The following RBFOX1 variants were observed in gnomAD, a reference collection of about 807,000 sequenced individuals.
RBFOX1 encodes RNA binding fox-1 homolog 1, also known as RNA binding protein fox-1 homolog 1.
In RBFOX1, 8 loss-of-function variants were observed where a neutral mutation model predicts 57.7. The observed-to-expected ratio is 0.14, with a 90% CI of 0.08 to 0.25. RBFOX1 has a LOEUF of 0.25. RBFOX1 is among the 10% of genes least tolerant of loss of function. RBFOX1 has a pLI of 1.00. For synonymous variants in RBFOX1, 326 were observed against 222.4 expected, an observed-to-expected ratio of 1.47 and a Z score of -4.15; for missense variants, 611 against 548.5, an observed-to-expected ratio of 1.11 and a Z score of -1.14.
At chr16:5,259,820 T>C (rs2062688162) in intron 1 of RBFOX1, among the ~76,000 whole-genome samples, 1 of 152,186 alleles carries the variant, frequency 6.6e-6, no homozygotes, top group Non-Finnish European at 1.5e-5. Context: ...CCTCAGTTGA[T>C]TGAACTCAAG....
At chr16:7,354,112 C>G (rs1162496856) in intron 4 of RBFOX1, among the ~76,000 whole-genome samples, 2 of 152,024 alleles carry the variant, frequency 1.3e-5, no homozygotes, top group Non-Finnish European at 2.9e-5. Flanking sequence ...TCTGGGATTA[C>G]AGGATCTGCC....
intron 3 of RBFOX1, among the ~76,000 whole-genome samples, chr16:6,690,673 A>C (rs1404224231): frequency 6.6e-6 from 1 of 151,946 alleles, no homozygotes; most frequent in Non-Finnish European, 1.5e-5. Context: ...AGTCGATTAT[A>C]GTACAGTAGG....
chr16:6,778,846 C>T (rs113671737), intron 3 of RBFOX1, among the ~76,000 whole-genome samples: 4 of 151,248 alleles, frequency 2.6e-5, no homozygotes, highest in Admixed American at 1.3e-4. Flanking sequence ...ATTGAATACA[C>T]ATACACCACA....
chr16:6,611,377 C>G (rs1192601770), intron 2 of RBFOX1, among the ~76,000 whole-genome samples: 1 of 152,130 alleles, frequency 6.6e-6, no homozygotes, highest in African/African-American at 2.4e-5. Flanking sequence ...AAACTCCTGA[C>G]CTCAGGTGAT....
chr16:6,572,015 G>A (rs112320494), intron 2 of RBFOX1, among the ~76,000 whole-genome samples: 1 of 151,954 alleles, frequency 6.6e-6, no homozygotes, highest in African/African-American at 2.4e-5. Flanking sequence ...CCTTTACATG[G>A]CCTGTATAAG....
At chr16:5,916,857 G>A (rs559880552) in intron 4 of RBFOX1, among the ~76,000 whole-genome samples, 1 of 152,244 alleles carries the variant, frequency 6.6e-6, no homozygotes, top group South Asian at 2.1e-4. Flanking sequence ...GAGAGAGAAA[G>A]CTCTCCTGAC....
At chr16:7,421,479 C>T (rs2098542114) in intron 4 of RBFOX1, among the ~76,000 whole-genome samples, 1 of 152,208 alleles carries the variant, frequency 6.6e-6, no homozygotes, top group African/African-American at 2.4e-5. Context: ...GTGAGATTAG[C>T]TTTGGCAATA....
intron 4 of RBFOX1, among the ~76,000 whole-genome samples, chr16:7,213,155 A>T (rs1458629758): frequency 6.6e-6 from 1 of 152,152 alleles, no homozygotes; most frequent in East Asian, 1.9e-4. Context: ...GAACTCCCTA[A>T]CCACCTCAAA....
At chr16:7,528,416 T>A (rs1039229872) in intron 5 of RBFOX1, among the ~76,000 whole-genome samples, 1 of 152,194 alleles carries the variant, frequency 6.6e-6, no homozygotes, top group Admixed American at 6.5e-5. Flanking sequence ...AGGACTGATG[T>A]AAGTGTTTGA....
At chr16:7,328,099 G>C (rs1347620320) in intron 4 of RBFOX1, among the ~76,000 whole-genome samples, 1 of 152,094 alleles carries the variant, frequency 6.6e-6, no homozygotes, top group Non-Finnish European at 1.5e-5. Flanking sequence ...CAAACTCCTG[G>C]GCTCAAGTGA....
At chr16:7,709,689 G>T in intron 15 of RBFOX1, 4 of 1,301,718 alleles carry the variant, frequency 3.1e-6, no homozygotes, top group South Asian at 1.7e-5. Flanking sequence ...AAAGTAGAAG[G>T]AATCAGCTGG....
chr16:5,439,861 G>T (rs2068031989), intron 1 of RBFOX1, among the ~76,000 whole-genome samples: 1 of 152,172 alleles, frequency 6.6e-6, no homozygotes, highest in South Asian at 2.1e-4. Context: ...AGGTGAGTTA[G>T]GGTTAGGGCA....
Position 6,524,957 on chromosome 16 carries a change from T to C in RBFOX1, c.-63-129646T>C, listed in dbSNP as rs530870282. ...ACTAATTATATCGGCAAGGACCCTA[T>C]TTCCAAATAAGGTCACTTCTGAGTA... On this transcript the variant is annotated intron_variant, in intron 2 of 15. Transcript: ENST00000550418. 1.6e-4 allele frequency among the ~76,000 whole-genome samples: 24 copies of C among 152,284 alleles called. No individual in the cohort carries two copies. The South Asian group carries it at 5.0e-3, about 32-fold the overall frequency.
intron 4 of RBFOX1, among the ~76,000 whole-genome samples, chr16:7,475,032 A>G (rs2062357171): frequency 6.6e-6 from 1 of 152,186 alleles, no homozygotes; most frequent in Non-Finnish European, 1.5e-5. Flanking sequence ...AGCTGTTGAT[A>G]ACAAAGACAG....
intron 3 of RBFOX1, among the ~76,000 whole-genome samples, chr16:6,971,242 A>G (rs1242509472): frequency 6.6e-6 from 1 of 152,170 alleles, no homozygotes; most frequent in Non-Finnish European, 1.5e-5. Flanking sequence ...CTGAATTGTT[A>G]TGGGGATGGG....
intron 3 of RBFOX1, among the ~76,000 whole-genome samples, chr16:7,018,545 C>T (rs1435717455): frequency 6.6e-6 from 1 of 152,160 alleles, no homozygotes; most frequent in Admixed American, 6.5e-5. Context: ...CATACATGTG[C>T]ATGTGTCCTT....
chr16:6,345,775 G>T (rs952354492), intron 2 of RBFOX1, among the ~76,000 whole-genome samples: 4 of 152,198 alleles, frequency 2.6e-5, no homozygotes, highest in African/African-American at 9.6e-5. Context: ...TTTTGCCAAG[G>T]TTGAGGATGT....
At chr16:7,476,336 C>A (rs992120215) in intron 4 of RBFOX1, among the ~76,000 whole-genome samples, 34 of 152,196 alleles carry the variant, frequency 2.2e-4, no homozygotes, top group African/African-American at 7.7e-4. Flanking sequence ...AATCCCTTTC[C>A]TTAATGCTTT....
intron 4 of RBFOX1, among the ~76,000 whole-genome samples, chr16:7,426,502 ATCTGAC>A (rs2098614795): frequency 6.6e-6 from 1 of 152,174 alleles, no homozygotes. Flanking sequence ...CAGCATGGTG[ATCTGAC>A]TCTCCAGCAT....
Sources: gnomAD v4.1 joint callset for allele counts (sites outside exome capture counted in the v4.1 genomes callset) on GRCh38, gnomAD v4.1.1 for gene constraint, MANE v1.5 for transcripts, NCBI Gene and HGNC (gene_info 2026-07-23, HGNC 2026-07-21) for gene names.